KCNB2: variants seen among roughly 807,000 people sequenced by gnomAD.
KCNB2 encodes the protein delayed rectifier potassium channel protein.
Under a neutral mutation model 61.5 loss-of-function variants are expected in KCNB2, and 15 were observed. The ratio of observed to expected loss-of-function variants is 0.24; its 90% CI spans 0.16 to 0.38. The LOEUF (loss-of-function observed/expected upper bound fraction) is 0.38. KCNB2 is among the 10% of genes least tolerant of loss of function. The probability of loss-of-function intolerance (pLI) is 1.00; values close to 1 mark genes in which losing one functional copy is unlikely to be tolerated. For synonymous variants in KCNB2, 457 were observed against 446.0 expected, an observed-to-expected ratio of 1.02 and a Z score of -0.31; for missense variants, 828 against 1,125.2, an observed-to-expected ratio of 0.74 and a Z score of 3.78.
At chr8:72,648,158 CT>C (rs1230415336) in intron 2 of KCNB2, among the ~76,000 whole-genome samples, 15 of 152,212 alleles carry the variant, frequency 9.9e-5, no homozygotes, top group African/African-American at 3.4e-4. Flanking sequence ...TCGAGAGTTT[CT>C]GCAGTACTCG....
chr8:72,856,330 A>G (rs1810206962), intron 2 of KCNB2, among the ~76,000 whole-genome samples: 2 of 152,152 alleles, frequency 1.3e-5, no homozygotes, highest in Admixed American at 1.3e-4. Flanking sequence ...GCAGATGTCC[A>G]TTTGGACTGA....
rs575989700 is a variant in KCNB2, at chr8:72,786,270, G to A, written c.580-149665G>A. On this transcript the variant is annotated intron_variant, in intron 2 of 2. Transcript: ENST00000523207. ...GAGCACATTTTGCTCATGAATACCC[G>A]TAATCCTTTAGGCATTTTATGACAA... 6.6e-5 allele frequency among the ~76,000 whole-genome samples: 10 copies of A among 152,110 alleles called. 1 individual carries two copies. In the South Asian group the frequency reaches 1.5e-3, roughly 22 times the overall value.
intron 2 of KCNB2, among the ~76,000 whole-genome samples, chr8:72,759,869 T>C (rs1808348465): frequency 6.6e-6 from 1 of 152,118 alleles, no homozygotes; most frequent in South Asian, 2.1e-4. Flanking sequence ...ACTGGATAGC[T>C]GAATGAGATG....
At chr8:72,784,906 A>G (rs1208889765) in intron 2 of KCNB2, among the ~76,000 whole-genome samples, 1 of 152,174 alleles carries the variant, frequency 6.6e-6, no homozygotes, top group African/African-American at 2.4e-5. Flanking sequence ...TGAAGGAGAA[A>G]GGAACCTTAA....
Position 72,938,160 on chromosome 8 carries a change from A to G in KCNB2, c.*69A>G. 1 of 1,305,418 alleles carries G rather than the reference A, an allele frequency of 7.7e-7. No homozygotes were observed. The highest frequency in any genetic ancestry group is 1.1e-6 in the Non-Finnish European group (1 of 939,826). 80.9% of individuals were successfully genotyped at this position (1,305,418 alleles called of 1,614,324 possible). A position where few individuals can be genotyped will look rare whatever the true frequency, so the allele number is the denominator to read the frequency against. ...AAACTTGTTTCTTAAAAATGCGGTT[A>G]ATAATGCCTGTGAACTAAAAAAATG... On this transcript the variant is annotated 3_prime_UTR_variant, in exon 3 of 3. Transcript: ENST00000523207.
intron 2 of KCNB2, among the ~76,000 whole-genome samples, chr8:72,755,894 C>A (rs1223171699): frequency 6.6e-6 from 1 of 152,132 alleles, no homozygotes; most frequent in African/African-American, 2.4e-5. Context: ...GTATAGGAAC[C>A]GGTAGCATCT....
chr8:72,913,669 G>A (rs1354566596), intron 2 of KCNB2, among the ~76,000 whole-genome samples: 2 of 152,156 alleles, frequency 1.3e-5, no homozygotes, highest in Non-Finnish European at 2.9e-5. Flanking sequence ...GAGCCAAGGG[G>A]CTGATCATTC....
chr8:72,829,491 T>C (rs1205748233), intron 2 of KCNB2, among the ~76,000 whole-genome samples: 1 of 152,236 alleles, frequency 6.6e-6, no homozygotes, highest in Admixed American at 6.5e-5. Context: ...AATTAATATT[T>C]GCACAGGCGT....
intron 2 of KCNB2, among the ~76,000 whole-genome samples, chr8:72,922,077 G>C (rs1806532839): frequency 6.6e-6 from 1 of 152,110 alleles, no homozygotes; most frequent in Non-Finnish European, 1.5e-5. Context: ...GTGTGGACAG[G>C]GCTGTGCTTC....
At chr8:72,574,186 C>T (rs977269015) in intron 2 of KCNB2, among the ~76,000 whole-genome samples, 46 of 152,316 alleles carry the variant, frequency 3.0e-4, no homozygotes, top group African/African-American at 1.0e-3. Flanking sequence ...CTCAAATATT[C>T]TGTTTTTTAG....
At chr8:72,817,178 G>T (rs1446197784) in intron 2 of KCNB2, among the ~76,000 whole-genome samples, 2 of 152,132 alleles carry the variant, frequency 1.3e-5, no homozygotes, top group Non-Finnish European at 2.9e-5. Flanking sequence ...AAGAGTGTCT[G>T]CTTATGACAA....
At chr8:72,561,723 A>ATATATGTG (rs1806522956) in intron 1 of KCNB2, among the ~76,000 whole-genome samples, 15 of 31,774 alleles carry the variant, frequency 4.7e-4, no homozygotes, top group African/African-American at 4.0e-3. Context: ...ATATATATAT[A>ATATATGTG]TATATCTATA....
intron 2 of KCNB2, among the ~76,000 whole-genome samples, chr8:72,745,381 G>T (rs1268077169): frequency 6.6e-6 from 1 of 152,054 alleles, no homozygotes; most frequent in African/African-American, 2.4e-5. Flanking sequence ...CAAATTCAGA[G>T]CCCCAGAGCC....
At position 72,851,826 on chromosome 8, in the gene KCNB2, G is replaced by GAAAAAAAAAAAAAAAAAAAAAAAAAA. The variant is rs55696554; in HGVS notation, c.580-84087_580-84086insAAAAAAAAAAAAAAAAAAAAAAAAAA. On this transcript the variant is annotated intron_variant, in intron 2 of 2. Coordinates refer to ENST00000523207, the MANE Select transcript of KCNB2 (RefSeq NM_004770.3). ...TTTTTTTTTAATGTAGAAGCTGTAG[G>GAAAAAAAAAAAAAAAAAAAAAAAAAA]AAAAAAAAAAAAAAAAAAAAAACAC... Among the ~76,000 whole-genome samples the GAAAAAAAAAAAAAAAAAAAAAAAAAA allele has an allele frequency of 6.8e-5, 3 of 43,864 alleles. 1 individual carries two copies. Among genetic ancestry groups the GAAAAAAAAAAAAAAAAAAAAAAAAAA allele is most frequent in the Non-Finnish European group, 3.9e-5 (1 of 25,626 alleles). The allele number at this position is 43,864 out of a possible 152,430, so 28.8% of individuals were successfully genotyped here.
chr8:72,633,205 C>T (rs1313726884), intron 2 of KCNB2, among the ~76,000 whole-genome samples: 1 of 152,110 alleles, frequency 6.6e-6, no homozygotes, highest in Non-Finnish European at 1.5e-5. Flanking sequence ...GTCCCTGCTT[C>T]CTGGCTGGCA....
chr8:72,686,657 C>T (rs1044804679), intron 2 of KCNB2, among the ~76,000 whole-genome samples: 1 of 152,134 alleles, frequency 6.6e-6, no homozygotes, highest in South Asian at 2.1e-4. Flanking sequence ...AATTCATCAT[C>T]GAGTGTTCGG....
rs556800108 is a variant in KCNB2, at chr8:72,776,249, C to T, written c.580-159686C>T. ...GGGAATATCACACACCAGGGCCTGT[C>T]GTGGGGTGGGGGGAGGGAGGAGGGA... On this transcript the variant is annotated intron_variant, in intron 2 of 2. Transcript: ENST00000523207. Among the ~76,000 whole-genome samples the T allele has an allele frequency of 8.5e-3, 575 of 67,630 alleles. 6 individuals are homozygous for T. Among genetic ancestry groups the T allele is most frequent in the Middle Eastern group, 0.029 (2 of 70 alleles). 44.4% of individuals were successfully genotyped at this position (67,630 alleles called of 152,430 possible).
At chr8:72,691,663 T>C (rs1806942129) in intron 2 of KCNB2, among the ~76,000 whole-genome samples, 1 of 152,196 alleles carries the variant, frequency 6.6e-6, no homozygotes, top group Admixed American at 6.5e-5. Context: ...TTTCTTGACT[T>C]TCCAAGGCTA....
In KCNB2 at chr8:72,562,336, T is replaced by C. The variant is rs149429765; in HGVS notation, c.-93-5306T>C. ...TAATTAGGATGCCATGATGAGAAAGTTGTGTTTTGTCAGTTTTGGCCCTGA... is the reference window on the plus strand; with the variant it reads ...TAATTAGGATGCCATGATGAGAAAGCTGTGTTTTGTCAGTTTTGGCCCTGA... On this transcript the variant is annotated intron_variant, in intron 1 of 2. Transcript: ENST00000523207. Among the ~76,000 whole-genome samples, 991 of 152,188 alleles carry C rather than the reference T, an allele frequency of 6.5e-3. 7 individuals carry two copies. Among genetic ancestry groups the C allele is most frequent in the Middle Eastern group, 0.051 (15 of 294 alleles).
Sources: allele counts gnomAD v4.1 joint callset (sites outside exome capture counted in the v4.1 genomes callset), GRCh38; gene constraint gnomAD v4.1.1; transcripts MANE v1.5; gene names NCBI Gene and HGNC (gene_info 2026-07-23, HGNC 2026-07-21).